ACP4: variants seen among roughly 807,000 people sequenced by gnomAD.
The protein encoded by ACP4 is testicular acid phosphatase.
ACP4 carries 49 observed loss-of-function variants against 47.3 expected under a neutral mutation model. The ratio of observed to expected loss-of-function variants is 1.04; its 90% CI spans 0.82 to 1.32. ACP4 has a LOEUF of 1.32. Among genes scored for constraint, ACP4 ranks in the 40% most tolerant of loss-of-function variants. The pLI, the probability that ACP4 is intolerant of heterozygous loss-of-function variation, is 0.00. For missense variants in ACP4, 594 were observed against 579.3 expected, an observed-to-expected ratio of 1.03 and a Z score of -0.26; for synonymous variants, 299 against 265.3, an observed-to-expected ratio of 1.13 and a Z score of -1.23.
intron 6 of ACP4, chr19:50,793,468 T>C (rs1032726188): frequency 2.9e-5 from 18 of 627,998 alleles, no homozygotes; most frequent in African/African-American, 5.5e-5. Context: ...ACAGCCAAGA[T>C]TGCGCTACTG....
Position 50,795,130 on chromosome 19 carries a change from G to A in ACP4, c.1253G>A (p.Cys418Tyr), listed in dbSNP as rs924010478. 2 of 1,557,648 alleles carry A rather than the reference G, an allele frequency of 1.3e-6. No individual in the cohort carries two copies. The highest frequency in any genetic ancestry group is 2.4e-5 in the East Asian group (1 of 41,558). The change falls in exon 11 of 11, where the codon TGC (cysteine) becomes TAC (tyrosine). Residue 418 changes from cysteine (C) to tyrosine (Y), a missense_variant. Transcript: ENST00000270593. ...GGCCTGCTGGCCTGGAGACCAGGGTGCCTGCGGGCCTTGGGGGGCCCCGTG... is the reference window on the plus strand; with the variant it reads ...GGCCTGCTGGCCTGGAGACCAGGGTACCTGCGGGCCTTGGGGGGCCCCGTG... ...GLGLLAWRPGCLRALGGPV is the reference protein window; with the variant it reads ...GLGLLAWRPGYLRALGGPV
rs1015185680 is a variant in ACP4, at chr19:50,790,604, A to G, written c.122A>G (p.His41Arg). ...PLVFVALVFR[H>R]GDRAPLASYP... Reference sequence around the variant, plus strand: ...CAGTCCTGTCCCCAGGTATTCCGCCATGGCGACCGGGCCCCGCTGGCCTCC... The same window carrying G: ...CAGTCCTGTCCCCAGGTATTCCGCCGTGGCGACCGGGCCCCGCTGGCCTCC... The change falls in exon 2 of 11, where the codon CAT (histidine) becomes CGT (arginine). Residue 41 changes from histidine (H) to arginine (R), a missense_variant. Transcript: ENST00000270593. 1 of 1,550,898 alleles carries G rather than the reference A, an allele frequency of 6.4e-7. No individual in the cohort carries two copies. Among genetic ancestry groups the G allele is most frequent in the East Asian group, 2.4e-5 (1 of 41,124 alleles).
chr19:50,794,073 ACTGCCTGGG>A, intron 8 of ACP4, 103 bp downstream of exon 8: 1 of 1,377,002 alleles, frequency 7.3e-7, no homozygotes. Context: ...ATCTCAGCCC[ACTGCCTGGG>A]GTAACCCGTA....
chr19:50,790,707 C>T lies in ACP4; in HGVS notation c.216+9C>T, dbSNP rs528694745. 98 of 795,710 alleles carry T rather than the reference C, an allele frequency of 1.2e-4. No individual in the cohort carries two copies. Among genetic ancestry groups the T allele is most frequent in the South Asian group, 1.2e-3 (81 of 67,958 alleles). 49.3% of individuals were successfully genotyped at this position (795,710 alleles called of 1,614,324 possible). The stretch of plus-strand genomic sequence containing the variant: ...TGGGCCAGCTGACCACGGTGAGAAG[C>T]GGGTAGGCGGTGAGGGCAAGGGTGG... On this transcript the variant is annotated intron_variant, in intron 2 of 10. Transcript: ENST00000270593.
Position 50,794,849 on chromosome 19 carries a change from CCCCGGGTG to C in ACP4, c.1056_1063del (p.Cys353ProfsTer28). 6.2e-7 allele frequency: 1 copy of C among 1,613,430 alleles called. No homozygotes were observed. Among genetic ancestry groups the C allele is most frequent in the Non-Finnish European group, 8.5e-7 (1 of 1,179,738 alleles). On this transcript the variant is annotated frameshift_variant, in exon 10 of 11. Coordinates refer to ENST00000270593, the MANE Select transcript of ACP4 (RefSeq NM_033068.3). LOFTEE classifies it high-confidence loss of function. Reference sequence around the variant, plus strand: ...CCCACCTGCCCCTGCCTCTCAGCCTCCCCGGGTGCCCGGCCCCCTGTCCACTAGGCCGC... The same window carrying C: ...CCCACCTGCCCCTGCCTCTCAGCCTCCCCGGCCCCCTGTCCACTAGGCCGC...
Position 50,790,509 on chromosome 19 carries a change from T to C in ACP4, c.95T>C (p.Leu32Pro). Residue 32 changes from leucine to proline, a missense_variant, in exon 1 of 11, where the codon CTG becomes CCG. By Grantham distance (98) the Leu-to-Pro change is moderately conservative (BLOSUM62 -3). Coordinates refer to ENST00000270593, the MANE Select transcript of ACP4 (RefSeq NM_033068.3). ...LPPRALPEGPLVFVALVFRHG... is the reference protein window; with the variant it reads ...LPPRALPEGPPVFVALVFRHG... Reference sequence around the variant, plus strand: ...CCCCGGGCCCTGCCAGAAGGACCCCTGGTGTTCGTGGCTCTGGTGAGGCGC... The same window carrying C: ...CCCCGGGCCCTGCCAGAAGGACCCCCGGTGTTCGTGGCTCTGGTGAGGCGC... The C allele has an allele frequency of 9.7e-6, 15 of 1,550,064 alleles. No individual in the cohort carries two copies. Among genetic ancestry groups the C allele is most frequent in the Non-Finnish European group, 1.3e-5 (15 of 1,148,574 alleles).
chr19:50,794,567 C>A lies in ACP4; in HGVS notation c.972C>A (p.Pro324=), dbSNP rs147174257. 13 of 1,613,888 alleles carry A rather than the reference C, an allele frequency of 8.1e-6. No individual in the cohort carries two copies. The African/African-American group carries it at 1.3e-4, about 17-fold the overall frequency. The change falls in exon 9 of 11, where the codon CCC becomes CCA. Residue 324 remains proline, a synonymous_variant. Transcript: ENST00000270593. ...AGTTCCGGAAGCACCTGGGGAATCC[C>A]GCCAAAGATGGAGGGTGAGAATGGT... is the stretch of plus-strand genomic sequence containing the variant. The part of the protein sequence containing the change: ...GFEFRKHLGN[P]AKDGGNVTVS...
At chr19:50,794,090 G>A (rs539532046) in intron 8 of ACP4, 120 bp downstream of exon 8, 23 of 1,198,276 alleles carry the variant, frequency 1.9e-5, no homozygotes, top group Admixed American at 5.4e-5. Context: ...GGGGTAACCC[G>A]TATCTCCAAA....
rs1211723810 is a variant in ACP4 at position 50,790,533 on chromosome 19, G to T, written c.111+8G>T. 3.2e-6 allele frequency: 5 copies of T among 1,542,442 alleles called. No individual in the cohort carries two copies. Among genetic ancestry groups the T allele is most frequent in the East Asian group, 2.4e-5 (1 of 40,838 alleles). The stretch of plus-strand genomic sequence containing the variant: ...CTGGTGTTCGTGGCTCTGGTGAGGC[G>T]CCCCCACCCCGGCCTGCCCTTAGCT... On this transcript the variant is annotated splice_region_variant and intron_variant, in intron 1 of 10. Transcript: ENST00000270593.
chr19:50,791,547 G>C (rs934242480), intron 3 of ACP4, 109 bp from the exon 4 acceptor site: 4 of 1,444,210 alleles, frequency 2.8e-6, no homozygotes, highest in Non-Finnish European at 3.8e-6. Flanking sequence ...ATGATTCTCA[G>C]TGTCTGACCC....
At position 50,794,949 on chromosome 19, in the gene ACP4, G is replaced by A. The variant is rs946747497; in HGVS notation, c.1150G>A (p.Ala384Thr). The A allele has an allele frequency of 3.7e-6, 6 of 1,612,894 alleles. No homozygotes were observed. Among genetic ancestry groups the A allele is most frequent in the Non-Finnish European group, 4.2e-6 (5 of 1,179,564 alleles). ...HGVSCHGPYE[A>T]AIPPAPVVPL... ...GGTCTCCTGCCATGGCCCCTATGAG[G>A]CTGCCATCCCCCCAGGTGACAGTCC... Residue 384 changes from alanine to threonine, a missense_variant, in exon 10 of 11, where the codon GCT becomes ACT. Ala to Thr is a moderately conservative substitution (Grantham distance 58). Transcript: ENST00000270593.
intron 9 of ACP4, 102 bp downstream of exon 9, chr19:50,794,683 G>A (rs1332890291): frequency 6.3e-7 from 1 of 1,595,754 alleles, no homozygotes; most frequent in Non-Finnish European, 8.5e-7. Flanking sequence ...AGCTGCATGG[G>A]ATGATGCTGG....
Position 50,794,600 on chromosome 19 carries a change from C to T in ACP4, c.986+19C>T. The T allele has an allele frequency of 6.2e-7, 1 of 1,613,890 alleles. No homozygotes were observed. The highest frequency in any genetic ancestry group is 1.3e-5 in the African/African-American group (1 of 75,004). ...ATGGAGGGTGAGAATGGTTTGGTGC[C>T]CAGGGACATGGGTGGGACAGAACTC... is the stretch of plus-strand genomic sequence containing the variant. On this transcript the variant is annotated intron_variant, in intron 9 of 10. Coordinates refer to ENST00000270593, the MANE Select transcript of ACP4 (RefSeq NM_033068.3).
Position 50,794,800 on chromosome 19 carries a change from CCCT to C in ACP4, c.1003_1005del (p.Leu335del), listed in dbSNP as rs2123294739. 2 of 1,604,028 alleles carry C rather than the reference CCCT, an allele frequency of 1.2e-6. No individual in the cohort carries two copies. Among genetic ancestry groups the C allele is most frequent in the East Asian group, 4.5e-5 (2 of 44,718 alleles). The stretch of plus-strand genomic sequence containing the variant: ...TCTCTCTCCAGGAATGTCACCGTCT[CCCT>C]CTTCTACCGCAATGACTCCGCCCAC... On this transcript the variant is annotated inframe_deletion, in exon 10 of 11. Coordinates refer to ENST00000270593, the MANE Select transcript of ACP4 (RefSeq NM_033068.3).
rs1312923981 is a variant in ACP4 at position 50,794,808 on chromosome 19, T to C, written c.1009T>C (p.Tyr337His). 6.2e-7 allele frequency: 1 copy of C among 1,607,866 alleles called. No homozygotes were observed. Residue 337 changes from tyrosine to histidine, a missense_variant, in exon 10 of 11, where the codon TAC (tyrosine) becomes CAC (histidine). Physicochemically the swap from Tyr to His is moderately conservative, Grantham distance 83. Transcript: ENST00000270593. ...DGGNVTVSLF[Y>H]RNDSAHLPLP... is the part of the protein sequence containing the mutation. ...CAGGAATGTCACCGTCTCCCTCTTC[T>C]ACCGCAATGACTCCGCCCACCTGCC...
intron 4 of ACP4, 129 bp from the exon 5 acceptor site, chr19:50,791,944 C>T (rs939094973): frequency 3.3e-5 from 47 of 1,444,300 alleles, no homozygotes; most frequent in African/African-American, 8.5e-5. Context: ...CCCCGGCCCA[C>T]GCTGCTCTCC....
At chr19:50,790,951 C>T in intron 3 of ACP4, 91 bp downstream of exon 3, 1 of 1,264,502 alleles carries the variant, frequency 7.9e-7, no homozygotes, top group Admixed American at 2.3e-5. Context: ...CCACCTCTGG[C>T]CTTTGACCTC....
intron 6 of ACP4, 164 bp from the exon 7 acceptor site, chr19:50,793,519 CA>C (rs2089527502): frequency 3.7e-6 from 4 of 1,092,234 alleles, no homozygotes; most frequent in Non-Finnish European, 5.2e-6. Context: ...CGTTTCAAAA[CA>C]AAAAACAACA....
chr19:50,792,176 G>A lies in ACP4; in HGVS notation c.549+5G>A. 1 of 1,610,438 alleles carries A rather than the reference G, an allele frequency of 6.2e-7. No individual in the cohort carries two copies. On this transcript the variant is annotated splice_donor_5th_base_variant and intron_variant, in intron 5 of 10. Coordinates refer to ENST00000270593, the MANE Select transcript of ACP4 (RefSeq NM_033068.3). ...GAGGCCCTGGAGGGCTGGACGGTGA[G>A]CAGGGCGGCGGTGGGGGGCGGGATG...
Sources: gnomAD v4.1 joint callset for allele counts on GRCh38, gnomAD v4.1.1 for gene constraint, MANE v1.5 for transcripts, NCBI Gene and HGNC (gene_info 2026-07-23, HGNC 2026-07-21) for gene names.